The following DDX25 variants were observed in gnomAD, a reference collection of about 807,000 sequenced individuals.
DDX25 encodes DEAD-box helicase 25.
In DDX25, 70 loss-of-function variants were observed where a neutral mutation model predicts 64.6. The observed-to-expected ratio is 1.08, with a 90% confidence interval of 0.89 to 1.32. DDX25 has a LOEUF of 1.32. Among genes scored for constraint, DDX25 ranks in the 40% most tolerant of loss-of-function variants. DDX25 has a pLI of 0.00. For synonymous variants in DDX25, 211 were observed against 213.3 expected (o/e 0.99, Z 0.09); for missense variants, 587 against 604.4 (o/e 0.97, Z 0.30).
chr11:125,921,505 C>T lies in DDX25; in HGVS notation c.1390+126C>T. The T allele has an allele frequency of 9.3e-7, 1 of 1,076,956 alleles. No homozygotes were observed. Among genetic ancestry groups the T allele is most frequent in the Non-Finnish European group, 1.3e-6 (1 of 770,748 alleles). 66.7% of individuals were successfully genotyped at this position (1,076,956 alleles called of 1,614,324 possible). ...GAAGCAGAATGCATGAGCTGGAAGG[C>T]TTCTAATTCACAGGACCAGGGTTCT... On this transcript the variant is annotated intron_variant, in intron 11 of 11. Coordinates refer to ENST00000263576, the MANE Select transcript of DDX25 (RefSeq NM_013264.5). This position sits in a 1 kb window ranked among gnomAD's most constrained non-coding sequence, Gnocchi z 4.1.
At chr11:125,915,339 T>C (rs550769283) in intron 8 of DDX25, among the ~76,000 whole-genome samples, 35 of 152,340 alleles carry the variant, frequency 2.3e-4, no homozygotes, top group African/African-American at 8.2e-4. Flanking sequence ...ATGAAATTAA[T>C]AAATATATGT....
In DDX25 at chr11:125,922,928, G is replaced by A; in HGVS notation, c.*47G>A. On this transcript the variant is annotated 3_prime_UTR_variant, in exon 12 of 12. Transcript: ENST00000263576. ...GCAGTATCCTAGTTTATGTGAGAATGTCTCAGTGGGTTTTGAAGGTAATTT... is the reference window on the plus strand; with the variant it reads ...GCAGTATCCTAGTTTATGTGAGAATATCTCAGTGGGTTTTGAAGGTAATTT... 6.5e-7 allele frequency: 1 copy of A among 1,529,178 alleles called. No homozygotes were observed. The highest frequency in any genetic ancestry group is 8.9e-7 in the Non-Finnish European group (1 of 1,126,078). 94.7% of individuals were successfully genotyped at this position (1,529,178 alleles called of 1,614,324 possible). A position where few individuals can be genotyped will look rare whatever the true frequency, so the allele number is the denominator to read the frequency against.
chr11:125,922,474 G>A (rs925114246), intron 11 of DDX25: 1 of 223,288 alleles, frequency 4.5e-6, no homozygotes, highest in African/African-American at 2.3e-5. Flanking sequence ...AACTGGGGAG[G>A]ACAGGGTGAG....
intron 11 of DDX25, chr11:125,922,556 A>G: frequency 2.8e-6 from 1 of 360,728 alleles, no homozygotes; most frequent in Non-Finnish European, 5.0e-6. Flanking sequence ...ACTGCAGTAG[A>G]AGAGCCTCAG....
At chr11:125,907,492 T>A (rs2471477) in intron 4 of DDX25, among the ~76,000 whole-genome samples, 2 of 151,302 alleles carry the variant, frequency 1.3e-5, no homozygotes, top group Non-Finnish European at 3.0e-5. Flanking sequence ...CCTGTAGTCC[T>A]AGCTACTCGG....
rs1213979039 is a variant in DDX25 at position 125,904,544 on chromosome 11, C to T, written c.27C>T (p.Asp9=). 13 of 1,499,274 alleles carry T rather than the reference C, an allele frequency of 8.7e-6. No homozygotes were observed. In the East Asian group the frequency reaches 2.6e-4, roughly 30 times the overall value. The allele number at this position is 1,499,274 out of a possible 1,614,324, so 92.9% of individuals were successfully genotyped here. ...TGGCGTCGTTACTGTGGGGAGGCGA[C>T]GCAGGGGCGGCGGAGAGCGAGCGGC... MASLLWGG[D]AGAAESERLN... is the part of the protein sequence containing the mutation. Residue 9 remains aspartate, a synonymous_variant, in exon 1 of 12, where the codon GAC becomes GAT. Transcript: ENST00000263576.
rs561760770 is a variant in DDX25, at chr11:125,907,434, C to T, written c.312-762C>T. ...CCATCCTGGCTAACACAGTGAAACC[C>T]CGTCTCTACTAAAAATACAAAAAAT... On this transcript the variant is annotated intron_variant, in intron 4 of 11. Transcript: ENST00000263576. 1.6e-4 allele frequency among the ~76,000 whole-genome samples: 24 copies of T among 152,186 alleles called. No homozygotes were observed. The East Asian group carries it at 2.9e-3, about 18-fold the overall frequency.
chr11:125,915,044 A>C (rs1945018610), intron 8 of DDX25, among the ~76,000 whole-genome samples: 1 of 152,208 alleles, frequency 6.6e-6, no homozygotes, highest in Non-Finnish European at 1.5e-5. Context: ...CCTGGCCTCA[A>C]GTGATCCACC....
At position 125,928,019 on chromosome 11, in the gene DDX25, A is replaced by G. The variant is rs1945182912; in HGVS notation, c.*5138A>G. On this transcript the variant is annotated 3_prime_UTR_variant, in exon 12 of 12. Coordinates refer to ENST00000263576, the MANE Select transcript of DDX25 (RefSeq NM_013264.5). ...AATGGGGTGGTTAACTTCTAATTGTACCCTGTCTTAGCGTTCAGATGCATT... is the reference window on the plus strand; with the variant it reads ...AATGGGGTGGTTAACTTCTAATTGTGCCCTGTCTTAGCGTTCAGATGCATT... 1.3e-5 allele frequency: 2 copies of G among 152,236 alleles called. No homozygotes were observed. The highest frequency in any genetic ancestry group is 1.3e-4 in the Admixed American group (2 of 15,278). The allele number at this position is 152,236 out of a possible 1,614,324, so 9.4% of individuals were successfully genotyped here. A position where few individuals can be genotyped will look rare whatever the true frequency, so the allele number is the denominator to read the frequency against.
intron 8 of DDX25, among the ~76,000 whole-genome samples, chr11:125,914,487 A>G (rs924222643): frequency 6.6e-6 from 1 of 152,186 alleles, no homozygotes; most frequent in Non-Finnish European, 1.5e-5. Flanking sequence ...TAAGGCTTGT[A>G]TCCCCAAATC....
chr11:125,905,194 A>AT lies in DDX25; in HGVS notation c.64-15dup. The AT allele has an allele frequency of 6.4e-7, 1 of 1,551,268 alleles. No individual in the cohort carries two copies. Among genetic ancestry groups the AT allele is most frequent in the South Asian group, 1.2e-5 (1 of 83,986 alleles). The stretch of plus-strand genomic sequence containing the variant: ...GGCTTGCATCCTAATATTGGTTGAA[A>AT]TTTGTGTCTCTCAATAGTTTTCAAA... On this transcript the variant is annotated splice_polypyrimidine_tract_variant and intron_variant, in intron 1 of 11. Coordinates refer to ENST00000263576, the MANE Select transcript of DDX25 (RefSeq NM_013264.5).
At chr11:125,916,578 G>A (rs916582515) in intron 8 of DDX25, among the ~76,000 whole-genome samples, 1 of 152,146 alleles carries the variant, frequency 6.6e-6, no homozygotes, top group Non-Finnish European at 1.5e-5. Flanking sequence ...TTCCCATTCT[G>A]AATCAAGTTA....
Position 125,908,477 on chromosome 11 carries a change from G to T in DDX25, c.481G>T (p.Val161Phe). 1 of 1,613,796 alleles carries T rather than the reference G, an allele frequency of 6.2e-7. No homozygotes were observed. The highest frequency in any genetic ancestry group is 1.1e-5 in the South Asian group (1 of 91,082). ...AAFVLAMLSR[V>F]NALELFPQCL... is the part of the protein sequence containing the mutation. Reference sequence around the variant, plus strand: ...ATTTGTGTTGGCAATGTTAAGCAGAGTTAATGCCTTGGAATTGTTCCCACA... The same window carrying T: ...ATTTGTGTTGGCAATGTTAAGCAGATTTAATGCCTTGGAATTGTTCCCACA... Residue 161 changes from valine (V) to phenylalanine (F), a missense_variant, in exon 6 of 12, where the codon GTT (valine) becomes TTT (phenylalanine). Transcript: ENST00000263576.
rs1945138282 is a variant in DDX25 at position 125,923,446 on chromosome 11, G to A, written c.*565G>A. ...GTATTTTACTTCTTTAATGTTTCAA[G>A]GGACATACAGAATTTCAGAGTATTT... On this transcript the variant is annotated 3_prime_UTR_variant, in exon 12 of 12. Transcript: ENST00000263576. The A allele has an allele frequency of 6.6e-6, 1 of 152,178 alleles. No homozygotes were observed. Among genetic ancestry groups the A allele is most frequent in the African/African-American group, 2.4e-5 (1 of 41,452 alleles). The allele number at this position is 152,178 out of a possible 1,614,324, so 9.4% of individuals were successfully genotyped here. A position where few individuals can be genotyped will look rare whatever the true frequency, so the allele number is the denominator to read the frequency against.
intron 8 of DDX25, among the ~76,000 whole-genome samples, chr11:125,912,411 T>C (rs985091658): frequency 6.6e-6 from 1 of 152,206 alleles, no homozygotes; most frequent in African/African-American, 2.4e-5. Context: ...TTATTATAAT[T>C]ACAGTTGCCC....
Position 125,904,567 on chromosome 11 carries a change from G to T in DDX25, c.50G>T (p.Arg17Leu), listed in dbSNP as rs1944849487. The T allele has an allele frequency of 1.3e-6, 2 of 1,494,102 alleles. No individual in the cohort carries two copies. The highest frequency in any genetic ancestry group is 1.8e-6 in the Non-Finnish European group (2 of 1,122,300). The allele number at this position is 1,494,102 out of a possible 1,614,324, so 92.6% of individuals were successfully genotyped here. The change falls in exon 1 of 12, where the codon CGG becomes CTG. Residue 17 changes from arginine to leucine, a missense_variant. Physicochemically the swap from Arg to Leu is moderately radical, Grantham distance 102. Transcript: ENST00000263576. ...GACGCAGGGGCGGCGGAGAGCGAGC[G>T]GCTGAACAGCCACGTAACCGCCACC... ...GGDAGAAESE[R>L]LNSHFSNLSQ...
Position 125,905,550 on chromosome 11 carries a change from C to T in DDX25, c.131-3C>T. On this transcript the variant is annotated splice_polypyrimidine_tract_variant and splice_region_variant and intron_variant, in intron 2 of 11. Transcript: ENST00000263576. ...TGTATTGTTTCTCTTCCATCCTTTC[C>T]AGATGGTTCTATTAATAACATCAAT... is the stretch of plus-strand genomic sequence containing the variant. 1 of 1,551,260 alleles carries T rather than the reference C, an allele frequency of 6.4e-7. No homozygotes were observed. Among genetic ancestry groups the T allele is most frequent in the South Asian group, 1.2e-5 (1 of 83,974 alleles).
At position 125,918,734 on chromosome 11, in the gene DDX25, A is replaced by C. The variant is rs751278992; in HGVS notation, c.1145A>C (p.Gln382Pro). The C allele has an allele frequency of 1.4e-4, 223 of 1,612,038 alleles. No homozygotes were observed. The highest frequency in any genetic ancestry group is 1.9e-4 in the Non-Finnish European group (223 of 1,179,110). Residue 382 changes from glutamine to proline, a missense_variant, in exon 10 of 12, where the codon CAG becomes CCG. Physicochemically the swap from Gln to Pro is moderately conservative, Grantham distance 76 (BLOSUM62 -1). Coordinates refer to ENST00000263576, the MANE Select transcript of DDX25 (RefSeq NM_013264.5). ...GTGGAGCAGCGAGCTTCCATCATTCAGAGGTTTCGGGATGGGAAAGAGAAG... is the reference window on the plus strand; with the variant it reads ...GTGGAGCAGCGAGCTTCCATCATTCCGAGGTTTCGGGATGGGAAAGAGAAG... ...LTVEQRASII[Q>P]RFRDGKEKVL...
At chr11:125,908,948 A>G (rs1276176010) in intron 6 of DDX25, among the ~76,000 whole-genome samples, 1 of 152,218 alleles carries the variant, frequency 6.6e-6, no homozygotes, top group Non-Finnish European at 1.5e-5. Context: ...GCATAAATTA[A>G]GCATGCAATA....
Sources: allele counts gnomAD v4.1 joint callset (sites outside exome capture counted in the v4.1 genomes callset), GRCh38; gene constraint gnomAD v4.1.1; non-coding constraint Gnocchi (gnomAD v3.1); transcripts MANE v1.5; gene names NCBI Gene and HGNC (gene_info 2026-07-23, HGNC 2026-07-21).